The following PRKCE variants were observed in gnomAD, a reference collection of about 807,000 sequenced individuals.
PRKCE encodes the protein protein kinase C epsilon, also known as protein kinase C epsilon type.
A neutral mutation model predicts 85.4 loss-of-function variants in PRKCE; 16 were observed. That is an observed-to-expected ratio of 0.19 (90% CI 0.13 to 0.28). The LOEUF is 0.28. PRKCE is among the 10% of genes least tolerant of loss of function. The pLI is 1.00. For synonymous variants in PRKCE, 388 were observed against 371.5 expected (o/e 1.04, Z -0.51); for missense variants, 573 against 975.2 (o/e 0.59, Z 5.49).
At chr2:46,011,238 T>C (rs1372160657) in intron 10 of PRKCE, among the ~76,000 whole-genome samples, 1 of 152,188 alleles carries the variant, frequency 6.6e-6, no homozygotes, top group African/African-American at 2.4e-5. Flanking sequence ...TTTTGCTTCT[T>C]GAGAAGGCAA....
chr2:45,714,115 C>G (rs1679889678), intron 1 of PRKCE, among the ~76,000 whole-genome samples: 1 of 152,196 alleles, frequency 6.6e-6, no homozygotes, highest in Non-Finnish European at 1.5e-5. Context: ...CCAGTAGCCC[C>G]AAACACTGTG....
chr2:45,848,483 G>A (rs1159843317), intron 2 of PRKCE, among the ~76,000 whole-genome samples: 1 of 152,064 alleles, frequency 6.6e-6, no homozygotes, highest in Non-Finnish European at 1.5e-5. Context: ...GTTAATTTTT[G>A]TATTTTTAGT....
chr2:45,926,899 A>G (rs1196280789), intron 2 of PRKCE, among the ~76,000 whole-genome samples: 1 of 152,226 alleles, frequency 6.6e-6, no homozygotes. Flanking sequence ...TAGAATGTGT[A>G]TATGAACATG....
chr2:45,878,727 C>T lies in PRKCE; in HGVS notation c.412+35664C>T, dbSNP rs145861171. 2.6e-3 allele frequency among the ~76,000 whole-genome samples: 389 copies of T among 152,266 alleles called. 3 individuals carry two copies. The highest frequency in any genetic ancestry group is 9.1e-3 in the African/African-American group (379 of 41,562). On this transcript the variant is annotated intron_variant, in intron 2 of 14. Coordinates refer to ENST00000306156, the MANE Select transcript of PRKCE (RefSeq NM_005400.3). ...AGCTAGAGTTCTCACTTTTTTAAAA[C>T]AGCAGAATAAAAAGCTTTAATACCA...
intron 1 of PRKCE, among the ~76,000 whole-genome samples, chr2:45,749,181 C>G (rs930164317): frequency 4.6e-5 from 7 of 152,146 alleles, no homozygotes; most frequent in Admixed American, 2.6e-4. Flanking sequence ...TGAGCTGAGT[C>G]CCTGACCTGG....
chr2:45,780,802 T>C (rs1215989371), intron 1 of PRKCE, among the ~76,000 whole-genome samples: 6 of 152,212 alleles, frequency 3.9e-5, no homozygotes, highest in African/African-American at 1.4e-4. Flanking sequence ...TGGTTTCACA[T>C]TTGCTTTCTT....
chr2:45,937,025 A>G (rs190834719), intron 2 of PRKCE, among the ~76,000 whole-genome samples: 1 of 152,302 alleles, frequency 6.6e-6, no homozygotes, highest in Non-Finnish European at 1.5e-5. Flanking sequence ...TTTAAGTTCC[A>G]TAGATGCTTG....
intron 11 of PRKCE, among the ~76,000 whole-genome samples, chr2:46,122,494 C>G (rs921724963): frequency 6.6e-6 from 1 of 152,178 alleles, no homozygotes. Flanking sequence ...TCCCAGAGTG[C>G]TGGGATTACA....
At chr2:46,122,260 C>G (rs1343229904) in intron 11 of PRKCE, among the ~76,000 whole-genome samples, 1 of 152,056 alleles carries the variant, frequency 6.6e-6, no homozygotes, top group Non-Finnish European at 1.5e-5. Context: ...GAGACGGAGT[C>G]TTGTTCTGTC....
rs1700816884 is a variant in PRKCE at position 45,954,142 on chromosome 2, AGG to A, written c.413-22286_413-22285del. Among the ~76,000 whole-genome samples, 3 of 152,350 alleles carry A rather than the reference AGG, an allele frequency of 2.0e-5. No individual in the cohort carries two copies. The South Asian group carries it at 6.2e-4, about 32-fold the overall frequency. ...CTGCTCCCACTTTGAAGGTGGCCTT[AGG>A]TGCGCAGGGACTTTGTGTGGCCCTA... On this transcript the variant is annotated intron_variant, in intron 2 of 14. Coordinates refer to ENST00000306156, the MANE Select transcript of PRKCE (RefSeq NM_005400.3).
intron 10 of PRKCE, among the ~76,000 whole-genome samples, chr2:46,047,100 A>C (rs1216481514): frequency 6.6e-6 from 1 of 152,206 alleles, no homozygotes; most frequent in Non-Finnish European, 1.5e-5. Context: ...GCAGGAATCC[A>C]ATGGCATCTT....
intron 3 of PRKCE, 56 bp downstream of exon 3, chr2:45,976,644 G>A (rs757461324): frequency 1.9e-5 from 30 of 1,571,552 alleles, no homozygotes; most frequent in Admixed American, 3.4e-5. Context: ...AAGATGTCGG[G>A]GATGGGGTAG....
At chr2:46,056,987 A>C (rs533724969) in intron 10 of PRKCE, among the ~76,000 whole-genome samples, 1 of 152,034 alleles carries the variant, frequency 6.6e-6, no homozygotes, top group South Asian at 2.1e-4. Context: ...GTGGCTACAG[A>C]GGGTTTGAAC....
At chr2:45,941,065 TAAAAAAAAAAA>T (rs397781944) in intron 2 of PRKCE, among the ~76,000 whole-genome samples, 1 of 67,162 alleles carries the variant, frequency 1.5e-5, no homozygotes, top group Non-Finnish European at 2.6e-5. Flanking sequence ...GACTTCATCC[TAAAAAAAAAAA>T]AAAAAAAAAA....
At chr2:45,671,585 T>TC (rs889015389) in intron 1 of PRKCE, among the ~76,000 whole-genome samples, 1 of 151,986 alleles carries the variant, frequency 6.6e-6, no homozygotes, top group Non-Finnish European at 1.5e-5. Flanking sequence ...CCCCTCTGCC[T>TC]CCCCCCACCA....
chr2:46,010,385 T>C lies in PRKCE; in HGVS notation c.1305T>C (p.Ala435=), dbSNP rs770491886. 4 of 1,599,660 alleles carry C rather than the reference T, an allele frequency of 2.5e-6. No homozygotes were observed. The South Asian group carries it at 4.4e-5, about 18-fold the overall frequency. Residue 435 remains alanine (A), a synonymous_variant, in exon 10 of 15, where the codon GCT becomes GCC. Transcript: ENST00000306156. The stretch of plus-strand genomic sequence containing the variant: ...TCAAGGGCAAAGATGAAGTATATGC[T>C]GTGAAGGTCTTAAAGAAGGACGTCA... The part of the protein sequence containing the change: ...AELKGKDEVY[A]VKVLKKDVIL...
intron 2 of PRKCE, among the ~76,000 whole-genome samples, chr2:45,896,564 T>C (rs1318412049): frequency 6.6e-6 from 1 of 152,172 alleles, no homozygotes; most frequent in Admixed American, 6.5e-5. Context: ...AAGAAACAGG[T>C]TTTTCTGGGA....
intron 1 of PRKCE, among the ~76,000 whole-genome samples, chr2:45,667,807 G>T (rs1413270190): frequency 6.6e-6 from 1 of 151,328 alleles, no homozygotes; most frequent in Admixed American, 6.6e-5. Flanking sequence ...AAAAAAAAAA[G>T]TGAAAAAGGA....
At chr2:46,183,961 C>A (rs964739356) in intron 14 of PRKCE, among the ~76,000 whole-genome samples, 1 of 152,170 alleles carries the variant, frequency 6.6e-6, no homozygotes, top group Non-Finnish European at 1.5e-5. Context: ...ACCCCACCCC[C>A]CAAGAACCAT....
Sources: gnomAD v4.1 joint callset for allele counts (sites outside exome capture counted in the v4.1 genomes callset) on GRCh38, gnomAD v4.1.1 for gene constraint, MANE v1.5 for transcripts, NCBI Gene and HGNC (gene_info 2026-07-23, HGNC 2026-07-21) for gene names.